Variants in KDM2B observed in about 807,000 individuals in gnomAD.
KDM2B encodes lysine demethylase 2B.
KDM2B carries 26 observed loss-of-function variants against 150.0 expected under a neutral mutation model. That is an observed-to-expected ratio of 0.17 (90% CI 0.13 to 0.24). The LOEUF (loss-of-function observed/expected upper bound fraction) is 0.24. Among genes scored for constraint, KDM2B ranks in the 10% least tolerant of loss-of-function variants. The pLI, the probability that KDM2B is intolerant of heterozygous loss-of-function variation, is 1.00. For missense variants in KDM2B, 1,265 were observed against 1,816.9 expected (o/e 0.70, Z 5.52); for synonymous variants, 734 against 729.5 (o/e 1.01, Z -0.10).
intron 11 of KDM2B, among the ~76,000 whole-genome samples, chr12:121,501,771 C>G (rs1337178174): frequency 6.6e-6 from 1 of 152,134 alleles, no homozygotes; most frequent in African/African-American, 2.4e-5. Context: ...CAGGCACGCA[C>G]CACCATGCCC....
chr12:121,448,650 T>C (rs1876707252), intron 13 of KDM2B, among the ~76,000 whole-genome samples: 1 of 152,248 alleles, frequency 6.6e-6, no homozygotes, highest in Non-Finnish European at 1.5e-5. Flanking sequence ...GGCTGGGATA[T>C]ACACGCCATT....
chr12:121,575,726 T>TA lies in KDM2B; in HGVS notation c.350+54dup. 8.1e-7 allele frequency: 1 copy of TA among 1,235,274 alleles called. No homozygotes were observed. Among genetic ancestry groups the TA allele is most frequent in the Non-Finnish European group, 1.2e-6 (1 of 834,526 alleles). 76.5% of individuals were successfully genotyped at this position (1,235,274 alleles called of 1,614,324 possible). A position where few individuals can be genotyped will look rare whatever the true frequency, so the allele number is the denominator to read the frequency against. Reference sequence around the variant, plus strand: ...GGTGGAAGAAATCCATCCCAAGCTATAAAGTATGTTAGGGAGGAAGACGGG... The same window carrying TA: ...GGTGGAAGAAATCCATCCCAAGCTATAAAAGTATGTTAGGGAGGAAGACGGG... On this transcript the variant is annotated intron_variant, in intron 3 of 22. Coordinates refer to ENST00000377071, the MANE Select transcript of KDM2B (RefSeq NM_032590.5). This position sits in a 1 kb window ranked among gnomAD's most constrained non-coding sequence, Gnocchi z 4.4.
intron 12 of KDM2B, among the ~76,000 whole-genome samples, chr12:121,488,029 C>T (rs1199043182): frequency 1.3e-5 from 2 of 152,068 alleles, no homozygotes; most frequent in Non-Finnish European, 2.9e-5. Flanking sequence ...CTGACCCGCC[C>T]GCCTCAGCCT....
At chr12:121,485,603 C>G (rs950785407) in intron 12 of KDM2B, among the ~76,000 whole-genome samples, 5 of 151,582 alleles carry the variant, frequency 3.3e-5, no homozygotes, top group African/African-American at 1.2e-4. Context: ...AAAAACTTTC[C>G]GTCGGGGGGC....
At chr12:121,418,457 G>A in the KDM2B span, 3 of 152,990 alleles carry the variant, frequency 2.0e-5, no homozygotes, top group African/African-American at 7.2e-5. Context: ...GTAAAGGCTT[G>A]TAATTAATAT....
At position 121,453,277 on chromosome 12, in the gene KDM2B, C is replaced by T. The variant is rs1555292087; in HGVS notation, c.1802G>A (p.Arg601Gln). 1.9e-6 allele frequency: 3 copies of T among 1,606,948 alleles called. No homozygotes were observed. Among genetic ancestry groups the T allele is most frequent in the Non-Finnish European group, 1.7e-6 (2 of 1,176,964 alleles). The change falls in exon 13 of 23, where the codon CGG (arginine) becomes CAG (glutamine). Residue 601 changes from arginine (R) to glutamine (Q), a missense_variant. Arg to Gln is a conservative substitution (Grantham distance 43). This residue lies in a region of KDM2B where 69 missense variants were observed against 85.7 expected (regional missense o/e 0.81). Transcript: ENST00000377071. The surrounding 1 kb of genome is among the most constrained non-coding windows in gnomAD (Gnocchi z 6.4). ...GCGCCGCCGAGCTCCTGCCGTTGTC[C>T]GGTTGGCGGCCAACTTCACCGCGGA... ...PASAVKLAAN[R>Q]TTAGARRRRT...
chr12:121,531,301 A>G (rs61667355), intron 8 of KDM2B, among the ~76,000 whole-genome samples: 7,194 of 152,218 alleles, frequency 0.047, 454 homozygotes, highest in East Asian at 0.24. Flanking sequence ...AATCTCCCTA[A>G]TAGGGAAGTC....
At chr12:121,517,543 A>G (rs1555305235) in intron 9 of KDM2B, among the ~76,000 whole-genome samples, 1 of 150,430 alleles carries the variant, frequency 6.6e-6, no homozygotes, top group African/African-American at 2.4e-5. Flanking sequence ...ATCTAAGCAC[A>G]CTGTAACCTC....
chr12:121,556,369 G>T (rs1889902497), intron 4 of KDM2B, among the ~76,000 whole-genome samples: 1 of 152,018 alleles, frequency 6.6e-6, no homozygotes, highest in Non-Finnish European at 1.5e-5. Context: ...CTACAGGCTG[G>T]ATTATTTAGA....
chr12:121,573,126 AT>A (rs561026873), intron 4 of KDM2B, among the ~76,000 whole-genome samples: 342 of 134,270 alleles, frequency 2.5e-3, no homozygotes, highest in Middle Eastern at 4.2e-3. Context: ...GCCCGGCCTA[AT>A]TTTTTTTTTT....
chr12:121,578,431 C>G (rs1322619532), intron 2 of KDM2B, among the ~76,000 whole-genome samples: 5 of 152,212 alleles, frequency 3.3e-5, no homozygotes, highest in African/African-American at 1.2e-4. Flanking sequence ...CCAGTTCCAG[C>G]CAGGCGGCGG....
chr12:121,517,461 CTTT>C (rs1464555177), intron 9 of KDM2B, among the ~76,000 whole-genome samples: 5 of 147,690 alleles, frequency 3.4e-5, no homozygotes, highest in Non-Finnish European at 7.4e-5. Context: ...AAGGCAAATT[CTTT>C]TTCTTTTCTT....
intron 12 of KDM2B, among the ~76,000 whole-genome samples, chr12:121,476,500 C>G (rs1184755817): frequency 6.6e-6 from 1 of 151,732 alleles, no homozygotes; most frequent in Non-Finnish European, 1.5e-5. Context: ...AAAAAAAAAC[C>G]CTGTCTCTTA....
At chr12:121,556,206 T>C (rs28884242) in intron 4 of KDM2B, among the ~76,000 whole-genome samples, 3,005 of 152,080 alleles carry the variant, frequency 0.02, 90 homozygotes, top group African/African-American at 0.069. Context: ...ATTACAGGGG[T>C]GAGCCACTGC....
rs539452834 is a variant in KDM2B at position 121,539,318 on chromosome 12, C to T, written c.684-4728G>A. 4.3e-3 allele frequency among the ~76,000 whole-genome samples: 431 copies of T among 100,750 alleles called. 1 individual carries two copies. Among genetic ancestry groups the T allele is most frequent in the Non-Finnish European group, 6.3e-3 (356 of 56,462 alleles). The allele number at this position is 100,750 out of a possible 152,430, so 66.1% of individuals were successfully genotyped here. On this transcript the variant is annotated intron_variant, in intron 6 of 22. Transcript: ENST00000377071. ...ACTCCAGCCCGGGTGACATAGGAGACCCTCTCCCAAAAAAAAAAAAAAAAA... is the reference window on the plus strand; with the variant it reads ...ACTCCAGCCCGGGTGACATAGGAGATCCTCTCCCAAAAAAAAAAAAAAAAA...
At chr12:121,425,306 CAA>C (rs562993599), downstream of KDM2B, among the ~76,000 whole-genome samples, 11,564 of 78,996 alleles carry the variant, frequency 0.15, 1,425 homozygotes, top group African/African-American at 0.35. Flanking sequence ...AACTCCGTCT[CAA>C]AAAAAAAAAA....
rs1333525453 is a variant in KDM2B at position 121,468,670 on chromosome 12, G to A, written c.1735-15326C>T. 3 of 152,292 alleles carry A rather than the reference G, an allele frequency of 2.0e-5. No homozygotes were observed. Among genetic ancestry groups the A allele is most frequent in the Non-Finnish European group, 4.4e-5 (3 of 68,058 alleles). The allele number at this position is 152,292 out of a possible 1,614,324, so 9.4% of individuals were successfully genotyped here. On this transcript the variant is annotated intron_variant, in intron 12 of 22. Transcript: ENST00000377071. This position sits in a 1 kb window ranked among gnomAD's most constrained non-coding sequence, Gnocchi z 4.0. ...CTGGCCACGAAATCCAGTGAGAACA[G>A]AAGGGATGGGCAGGCTGGTCCTGGC... is the stretch of plus-strand genomic sequence containing the variant.
At chr12:121,515,461 T>C (rs1247024066) in intron 9 of KDM2B, among the ~76,000 whole-genome samples, 1 of 16,074 alleles carries the variant, frequency 6.2e-5, no homozygotes, top group Non-Finnish European at 1.1e-4. Flanking sequence ...CGCCACCCCC[T>C]CTAATCACAC....
Position 121,441,182 on chromosome 12 carries a change from A to G in KDM2B, c.3336T>C (p.Ser1112=), listed in dbSNP as rs781868488. 6.2e-7 allele frequency: 1 copy of G among 1,614,180 alleles called. No individual in the cohort carries two copies. The highest frequency in any genetic ancestry group is 1.1e-5 in the South Asian group (1 of 91,088). ...WTRIDLNHCK[S]ITPLMLSGII... ...TGCCACTCAGCATCAGGGGTGTGATAGACTTGCAGTGGTTCAGGTCAATGC... is the reference window on the plus strand; with the variant it reads ...TGCCACTCAGCATCAGGGGTGTGATGGACTTGCAGTGGTTCAGGTCAATGC... The change falls in exon 20 of 23, where the codon TCT becomes TCC. Residue 1112 remains serine, a synonymous_variant. Transcript: ENST00000377071.
Sources: allele counts gnomAD v4.1 joint callset (sites outside exome capture counted in the v4.1 genomes callset), GRCh38; gene constraint gnomAD v4.1.1; regional missense constraint gnomAD v4.1.1; non-coding constraint Gnocchi (gnomAD v3.1); transcripts MANE v1.5; gene names NCBI Gene and HGNC (gene_info 2026-07-23, HGNC 2026-07-21).